GKAP1: variants seen among roughly 807,000 people sequenced by gnomAD.
GKAP1 encodes the protein G kinase-anchoring protein 1.
In GKAP1, 31 loss-of-function variants were observed where a neutral mutation model predicts 56.7. The ratio of observed to expected loss-of-function variants is 0.55; its 90% CI spans 0.41 to 0.74. GKAP1 has a LOEUF of 0.74. Ranked by LOEUF, GKAP1 falls within the 30% of genes least tolerant of loss-of-function variation. GKAP1 has a pLI of 0.00. For synonymous variants in GKAP1, 151 were observed against 138.6 expected, an observed-to-expected ratio of 1.09 and a Z score of -0.63; for missense variants, 364 against 402.3, an observed-to-expected ratio of 0.90 and a Z score of 0.82.
At chr9:83,785,557 ATCTG>A (rs1412355663) in intron 5 of GKAP1, among the ~76,000 whole-genome samples, 1 of 152,164 alleles carries the variant, frequency 6.6e-6, no homozygotes, top group African/African-American at 2.4e-5. Context: ...CCATGTGCAC[ATCTG>A]TCTAAGTTGG....
intron 12 of GKAP1, among the ~76,000 whole-genome samples, chr9:83,741,596 GA>G (rs1000718466): frequency 6.6e-6 from 1 of 151,984 alleles, no homozygotes; most frequent in Non-Finnish European, 1.5e-5. Context: ...TTATAAAAGG[GA>G]AAATATATAT....
At chr9:83,773,742 A>T (rs1429765496) in intron 7 of GKAP1, among the ~76,000 whole-genome samples, 2 of 152,096 alleles carry the variant, frequency 1.3e-5, no homozygotes, top group Non-Finnish European at 2.9e-5. Flanking sequence ...TTGGTTTCTT[A>T]ACTTTTTATT....
chr9:83,786,880 T>C (rs979143317), intron 5 of GKAP1, among the ~76,000 whole-genome samples: 2 of 152,236 alleles, frequency 1.3e-5, no homozygotes, highest in African/African-American at 4.8e-5. Context: ...GTAATCCTTC[T>C]AGCTTTAGAA....
At chr9:83,797,037 C>T (rs145285740) in intron 4 of GKAP1, among the ~76,000 whole-genome samples, 301 of 152,250 alleles carry the variant, frequency 2.0e-3, no homozygotes, top group African/African-American at 6.4e-3. Context: ...AACTTTTCTT[C>T]CATTGATACA....
At chr9:83,762,609 C>T (rs959855746) in intron 8 of GKAP1, among the ~76,000 whole-genome samples, 4 of 151,874 alleles carry the variant, frequency 2.6e-5, no homozygotes, top group Non-Finnish European at 5.9e-5. Context: ...TTAAGCAAAA[C>T]GAAGAAAACT....
chr9:83,766,787 A>G (rs554576454), intron 8 of GKAP1, among the ~76,000 whole-genome samples: 1 of 152,354 alleles, frequency 6.6e-6, no homozygotes, highest in East Asian at 1.9e-4. Context: ...GACTATGGCA[A>G]AAGTTACATA....
chr9:83,748,549 G>T, intron 9 of GKAP1, 177 bp from the exon 10 acceptor site: 1 of 423,360 alleles, frequency 2.4e-6, no homozygotes. Flanking sequence ...TTAAGTCCCT[G>T]GCACAATAAT....
At position 83,803,305 on chromosome 9, in the gene GKAP1, C is replaced by T. The variant is rs577248771; in HGVS notation, c.216+2997G>A. Among the ~76,000 whole-genome samples the T allele has an allele frequency of 7.3e-5, 11 of 150,622 alleles. No individual in the cohort carries two copies. The East Asian group carries it at 2.2e-3, about 30-fold the overall frequency. ...CCACGGTCTCCCTCTGATGCCGAGC[C>T]GAAGCTGGACTGTACTGCTGCCATC... On this transcript the variant is annotated intron_variant, in intron 3 of 12. Coordinates refer to ENST00000376371, the MANE Select transcript of GKAP1 (RefSeq NM_025211.4).
At chr9:83,779,464 CGCACATATACATATACATACATATAT>C (rs1943919994) in intron 7 of GKAP1, among the ~76,000 whole-genome samples, 4 of 85,254 alleles carry the variant, frequency 4.7e-5, no homozygotes, top group African/African-American at 7.0e-5. Context: ...CACACACACA[CGCACATATACATATACATACATATAT>C]ACACATATAC....
chr9:83,806,490 G>A lies in GKAP1; in HGVS notation c.28C>T (p.Pro10Ser). The A allele has an allele frequency of 1.9e-6, 3 of 1,614,036 alleles. No individual in the cohort carries two copies. The highest frequency in any genetic ancestry group is 2.5e-6 in the Non-Finnish European group (3 of 1,179,958). Reference protein sequence around the residue: MASAVLSSVPTTASRFALLQ... With the variant: MASAVLSSVSTTASRFALLQ... ...AGGGCAAAACGAGAAGCGGTGGTGGGAACAGAACTAAGTACTGCTGAGGCC... is the reference window on the plus strand; with the variant it reads ...AGGGCAAAACGAGAAGCGGTGGTGGAAACAGAACTAAGTACTGCTGAGGCC... Residue 10 changes from proline (P) to serine (S), a missense_variant, in exon 3 of 13, where the codon CCC becomes TCC. By Grantham distance (74) the Pro-to-Ser change is moderately conservative (BLOSUM62 -1). Transcript: ENST00000376371.
chr9:83,764,957 C>G (rs1467180905), intron 8 of GKAP1, among the ~76,000 whole-genome samples: 1 of 152,116 alleles, frequency 6.6e-6, no homozygotes, highest in Non-Finnish European at 1.5e-5. Context: ...TCAAGTCTAC[C>G]ACACAAGTGA....
At chr9:83,780,926 A>G (rs1943961164) in intron 6 of GKAP1, among the ~76,000 whole-genome samples, 1 of 152,226 alleles carries the variant, frequency 6.6e-6, no homozygotes, top group Non-Finnish European at 1.5e-5. Flanking sequence ...AAACCTAAAA[A>G]TTGATATATA....
intron 4 of GKAP1, among the ~76,000 whole-genome samples, chr9:83,792,044 A>G (rs1283866797): frequency 1.2e-4 from 18 of 152,368 alleles, no homozygotes; most frequent in African/African-American, 4.1e-4. Flanking sequence ...AGGCTTTGGG[A>G]GATCACAGAA....
intron 10 of GKAP1, among the ~76,000 whole-genome samples, chr9:83,747,147 T>C (rs1036458279): frequency 6.6e-6 from 1 of 152,218 alleles, no homozygotes; most frequent in Non-Finnish European, 1.5e-5. Context: ...TGCCTAAGTC[T>C]CATACTAAAA....
At position 83,762,100 on chromosome 9, in the gene GKAP1, G is replaced by C. The variant is rs112498430; in HGVS notation, c.738+6718C>G. ...AAATAAAGGGCATCTAAATTGGAAA[G>C]GAAGAAGTCAAATTATCCTTGTCTG... On this transcript the variant is annotated intron_variant, in intron 8 of 12. Coordinates refer to ENST00000376371, the MANE Select transcript of GKAP1 (RefSeq NM_025211.4). 6.6e-5 allele frequency among the ~76,000 whole-genome samples: 10 copies of C among 152,158 alleles called. 1 individual carries two copies. Among genetic ancestry groups the C allele is most frequent in the African/African-American group, 2.4e-4 (10 of 41,520 alleles).
chr9:83,777,618 C>G (rs547568891), intron 7 of GKAP1, among the ~76,000 whole-genome samples: 1 of 152,092 alleles, frequency 6.6e-6, no homozygotes, highest in African/African-American at 2.4e-5. Context: ...ATTTTCCCTT[C>G]TGAATGTTAT....
intron 4 of GKAP1, among the ~76,000 whole-genome samples, chr9:83,798,842 T>C (rs1944288463): frequency 6.6e-6 from 1 of 152,172 alleles, no homozygotes; most frequent in African/African-American, 2.4e-5. Context: ...CACTGTGTAT[T>C]TTTAACAAGA....
rs187908230 is a variant in GKAP1, at chr9:83,758,206, C to T, written c.739-4847G>A. Among the ~76,000 whole-genome samples, 7 of 152,152 alleles carry T rather than the reference C, an allele frequency of 4.6e-5. No homozygotes were observed. In the East Asian group the frequency reaches 9.7e-4, roughly 21 times the overall value. ...TGATTCAATTATTATCTTAAAAAATCGATTCCAAGGAAATGATTCACCAAA... is the reference window on the plus strand; with the variant it reads ...TGATTCAATTATTATCTTAAAAAATTGATTCCAAGGAAATGATTCACCAAA... On this transcript the variant is annotated intron_variant, in intron 8 of 12. Transcript: ENST00000376371.
intron 2 of GKAP1, among the ~76,000 whole-genome samples, chr9:83,808,565 C>G (rs938139895): frequency 2.0e-5 from 3 of 152,092 alleles, no homozygotes; most frequent in Non-Finnish European, 2.9e-5. Context: ...CGACTGACTC[C>G]AGCCTGAGCA....
Sources: gnomAD v4.1 joint callset for allele counts (sites outside exome capture counted in the v4.1 genomes callset) on GRCh38, gnomAD v4.1.1 for gene constraint, MANE v1.5 for transcripts, NCBI Gene and HGNC (gene_info 2026-07-23, HGNC 2026-07-21) for gene names.